LAMA5: variants seen among roughly 807,000 people sequenced by gnomAD.
The protein encoded by LAMA5 is laminin subunit alpha-5.
A neutral mutation model predicts 433.4 loss-of-function variants in LAMA5; 260 were observed. The ratio of observed to expected loss-of-function variants is 0.60; its 90% confidence interval spans 0.54 to 0.66. The LOEUF (loss-of-function observed/expected upper bound fraction) is 0.66, where lower values mean the gene tolerates loss of function less well. Ranked by LOEUF, LAMA5 falls within the 30% of genes least tolerant of loss-of-function variation. The pLI, the probability that LAMA5 is intolerant of heterozygous loss-of-function variation, is 0.00. For synonymous variants in LAMA5, 2,620 were observed against 2,226.6 expected (o/e 1.18, Z -4.97); for missense variants, 5,378 against 5,258.5 (o/e 1.02, Z -0.70).
At chr20:62,313,288 G>A (rs1199051988) in intron 64 of LAMA5, 38 bp from the exon 65 acceptor site, 3 of 1,539,042 alleles carry the variant, frequency 1.9e-6, no homozygotes, top group Non-Finnish European at 2.6e-6. Context: ...GGAGGGTGGG[G>A]TGGGGTGGGT....
Position 62,338,542 on chromosome 20 carries a change from C to G in LAMA5, c.1544G>C (p.Cys515Ser). The G allele has an allele frequency of 6.2e-7, 1 of 1,610,858 alleles. No homozygotes were observed. The highest frequency in any genetic ancestry group is 8.5e-7 in the Non-Finnish European group (1 of 1,179,278). The change falls in exon 12 of 80, where the codon TGT becomes TCT. Residue 515 changes from cysteine to serine, a missense_variant. Cys to Ser is a moderately radical substitution (Grantham distance 112). Coordinates refer to ENST00000252999, the MANE Select transcript of LAMA5 (RefSeq NM_005560.6). Reference sequence around the variant, plus strand: ...GCCTTGGAAGTTGGGTTTGCACAGACAGCGTCCCACCCTTGGGTCCTTCCG... The same window carrying G: ...GCCTTGGAAGTTGGGTTTGCACAGAGAGCGTCCCACCCTTGGGTCCTTCCG... ...ACRKDPRVGR[C>S]LCKPNFQGTH...
At chr20:62,341,115 A>C (rs1251156977) in intron 11 of LAMA5, among the ~76,000 whole-genome samples, 1 of 152,110 alleles carries the variant, frequency 6.6e-6, no homozygotes, top group Non-Finnish European at 1.5e-5. Flanking sequence ...ATTCTAGGTT[A>C]GAAACAAAGA....
chr20:62,334,031 G>C lies in LAMA5; in HGVS notation c.2748C>G (p.Ile916Met), dbSNP rs756859722. 6.2e-7 allele frequency: 1 copy of C among 1,612,320 alleles called. No individual in the cohort carries two copies. Among genetic ancestry groups the C allele is most frequent in the Non-Finnish European group, 8.5e-7 (1 of 1,179,420 alleles). ...YAQMAPVQPR[I>M]VARLNLTSPD... ...GGGAGGTCAGGTTCAGCCTGGCCACGATCCTGGGCTGGGTGGGCATGGAGC... is the reference window on the plus strand; with the variant it reads ...GGGAGGTCAGGTTCAGCCTGGCCACCATCCTGGGCTGGGTGGGCATGGAGC... The change falls in exon 23 of 80, where the codon ATC (isoleucine) becomes ATG (methionine). Residue 916 changes from isoleucine to methionine, a missense_variant. Ile to Met is a conservative substitution (Grantham distance 10). Transcript: ENST00000252999.
Position 62,310,849 on chromosome 20 carries a change from C to G in LAMA5, c.10282-20G>C. 6.3e-7 allele frequency: 1 copy of G among 1,587,234 alleles called. No homozygotes were observed. The highest frequency in any genetic ancestry group is 1.3e-5 in the African/African-American group (1 of 74,324). On this transcript the variant is annotated intron_variant, in intron 74 of 79. Coordinates refer to ENST00000252999, the MANE Select transcript of LAMA5 (RefSeq NM_005560.6). Reference sequence around the variant, plus strand: ...GGAGACCTGGGGGCAGGAGATGGGTCAGGGTAGGGCTGCCAGGCCCTGCCC... The same window carrying G: ...GGAGACCTGGGGGCAGGAGATGGGTGAGGGTAGGGCTGCCAGGCCCTGCCC...
chr20:62,341,708 G>C (rs1026147934), intron 11 of LAMA5, among the ~76,000 whole-genome samples: 14 of 151,518 alleles, frequency 9.2e-5, no homozygotes, highest in Non-Finnish European at 2.1e-4. Flanking sequence ...ATATTAGAAA[G>C]GAAAATCTCT....
At chr20:62,309,631 T>TGGAGGGTGGGAGGGGGCAGGGGGG (rs1985944469) in intron 79 of LAMA5, 85 bp downstream of exon 79, 6 of 395,406 alleles carry the variant, frequency 1.5e-5, no homozygotes, top group Non-Finnish European at 1.9e-5. Flanking sequence ...GGGCAGGGGG[T>TGGAGGGTGGGAGGGGGCAGGGGGG]GGAGGGGTGG....
At chr20:62,340,816 A>G (rs1208534643) in intron 11 of LAMA5, among the ~76,000 whole-genome samples, 1 of 151,592 alleles carries the variant, frequency 6.6e-6, no homozygotes, top group African/African-American at 2.4e-5. Flanking sequence ...GGGTGGATCA[A>G]CTGAGGTCAG....
At position 62,333,196 on chromosome 20, in the gene LAMA5, G is replaced by C. The variant is rs1980821748; in HGVS notation, c.3176C>G (p.Ala1059Gly). Residue 1059 changes from alanine to glycine, a missense_variant, in exon 26 of 80, where the codon GCC becomes GGC. Transcript: ENST00000252999. ...CTGGCGACACAGGGCCTCCAGCCCGGCGGCCGAGGGGAAGCCATCCAGGGG... is the reference window on the plus strand; with the variant it reads ...CTGGCGACACAGGGCCTCCAGCCCGCCGGCCGAGGGGAAGCCATCCAGGGG... ...HLPLDGFPSA[A>G]GLEALCRQDN... 6.6e-7 allele frequency: 1 copy of C among 1,521,706 alleles called. No individual in the cohort carries two copies. Among genetic ancestry groups the C allele is most frequent in the South Asian group, 1.3e-5 (1 of 76,396 alleles). 94.3% of individuals were successfully genotyped at this position (1,521,706 alleles called of 1,614,324 possible). A position where few individuals can be genotyped will look rare whatever the true frequency, so the allele number is the denominator to read the frequency against.
chr20:62,322,644 C>T lies in LAMA5; in HGVS notation c.6165+14G>A. The T allele has an allele frequency of 1.2e-6, 1 of 857,578 alleles. No homozygotes were observed. Among genetic ancestry groups the T allele is most frequent in the African/African-American group, 1.8e-5 (1 of 55,318 alleles). The allele number at this position is 857,578 out of a possible 1,614,324, so 53.1% of individuals were successfully genotyped here. On this transcript the variant is annotated intron_variant, in intron 46 of 79. Coordinates refer to ENST00000252999, the MANE Select transcript of LAMA5 (RefSeq NM_005560.6). ...GGCCCCACCCACCCAGCCCTGCTTA[C>T]CCCACAGCCCTACCTGGCAGCGGTC...
In LAMA5 at chr20:62,319,858, G is replaced by A. The variant is rs1385979575; in HGVS notation, c.6760-63C>T. 6 of 1,354,442 alleles carry A rather than the reference G, an allele frequency of 4.4e-6. 1 individual carries two copies. The South Asian group carries it at 5.0e-5, about 11-fold the overall frequency. 83.9% of individuals were successfully genotyped at this position (1,354,442 alleles called of 1,614,324 possible). On this transcript the variant is annotated intron_variant, in intron 50 of 79. Transcript: ENST00000252999. ...GGCGAGGGTCGGGGTGGCAAGGGAG[G>A]GCCTGGGGTCTGGGGGAGCGCCGAG...
chr20:62,309,070 C>A lies in LAMA5; in HGVS notation c.*266G>T. 2 of 609,510 alleles carry A rather than the reference C, an allele frequency of 3.3e-6. No individual in the cohort carries two copies. The highest frequency in any genetic ancestry group is 5.5e-6 in the Non-Finnish European group (2 of 364,186). 37.8% of individuals were successfully genotyped at this position (609,510 alleles called of 1,614,324 possible). On this transcript the variant is annotated 3_prime_UTR_variant, in exon 80 of 80. Coordinates refer to ENST00000252999, the MANE Select transcript of LAMA5 (RefSeq NM_005560.6). ...TTAAGTCAACATTCATTCGGTTACA[C>A]AGAAGTTACTTTTTAATTTTTAAGG...
At chr20:62,356,260 G>C (rs1055262887) in intron 2 of LAMA5, 4 of 152,372 alleles carry the variant, frequency 2.6e-5, no homozygotes, top group Non-Finnish European at 5.9e-5. Flanking sequence ...AGGGAAGCCC[G>C]CGCTGGAGGA....
At chr20:62,353,991 G>GT (rs1984771728) in intron 2 of LAMA5, among the ~76,000 whole-genome samples, 1 of 152,040 alleles carries the variant, frequency 6.6e-6, no homozygotes. Flanking sequence ...CCCGGTGCAC[G>GT]TCAGGGCAGC....
chr20:62,335,547 G>C (rs908119172), intron 18 of LAMA5, among the ~76,000 whole-genome samples: 22 of 129,050 alleles, frequency 1.7e-4, no homozygotes, highest in Non-Finnish European at 2.9e-4. Context: ...AGCACACTCA[G>C]ACTCCAGCCC....
chr20:62,320,384 G>A (rs1987549520), intron 50 of LAMA5, among the ~76,000 whole-genome samples, 175 bp downstream of exon 50: 2 of 150,784 alleles, frequency 1.3e-5, no homozygotes, highest in African/African-American at 2.4e-5. Flanking sequence ...AAATGTATTA[G>A]GTAGTTTAGA....
At chr20:62,351,831 C>A (rs746008546) in intron 5 of LAMA5, 30 bp from the exon 6 acceptor site, 1 of 1,586,274 alleles carries the variant, frequency 6.3e-7, no homozygotes, top group African/African-American at 1.3e-5. Context: ...GAGCACCAGG[C>A]GGCCAGGCCT....
At chr20:62,355,720 AT>A (rs1259137152) in intron 2 of LAMA5, among the ~76,000 whole-genome samples, 1 of 151,968 alleles carries the variant, frequency 6.6e-6, no homozygotes, top group African/African-American at 2.4e-5. Context: ...GACAGACCCT[AT>A]ACCCAGCCCC....
At chr20:62,336,041 A>G (rs1275235134) in intron 18 of LAMA5, among the ~76,000 whole-genome samples, 3 of 138,006 alleles carry the variant, frequency 2.2e-5, no homozygotes, top group African/African-American at 5.6e-5. Context: ...CCTATACCCC[A>G]ATACTCCCTT....
intron 50 of LAMA5, 102 bp downstream of exon 50, chr20:62,320,457 A>G: frequency 1.2e-6 from 1 of 853,778 alleles, no homozygotes; most frequent in Non-Finnish European, 1.9e-6. Flanking sequence ...GCACTGACAC[A>G]TGTACGAGGC....
Sources: gnomAD v4.1 joint callset for allele counts (sites outside exome capture counted in the v4.1 genomes callset) on GRCh38, gnomAD v4.1.1 for gene constraint, MANE v1.5 for transcripts, NCBI Gene and HGNC (gene_info 2026-07-23, HGNC 2026-07-21) for gene names.